The following MTMR4 variants were observed in gnomAD, a reference collection of about 807,000 sequenced individuals.
The protein encoded by MTMR4 is phosphatidylinositol-3,5-bisphosphate 3-phosphatase MTMR4.
MTMR4 carries 30 observed loss-of-function variants against 125.5 expected under a neutral mutation model. The ratio of observed to expected loss-of-function variants is 0.24; its 90% CI spans 0.18 to 0.32. The LOEUF (loss-of-function observed/expected upper bound fraction) is 0.32. Ranked by LOEUF, MTMR4 falls within the 10% of genes least tolerant of loss-of-function variation. The pLI is 1.00. For synonymous variants in MTMR4, 498 were observed against 564.5 expected (o/e 0.88, Z 1.67); for missense variants, 1,039 against 1,511.5 (o/e 0.69, Z 5.18).
upstream of MTMR4, chr17:58,514,738 C>G (rs1567939872): frequency 2.2e-6 from 2 of 916,138 alleles, no homozygotes; most frequent in Non-Finnish European, 2.6e-6. Flanking sequence ...CCTCCCTCCC[C>G]GCGGACCCTG....
Position 58,512,345 on chromosome 17 carries a change from A to C in MTMR4, c.252+45T>G. ...TTGGAACAATCCCACCTTGAACTTC[A>C]TAGGGATTCTAGCTTAGGGGTAGGA... On this transcript the variant is annotated intron_variant, in intron 3 of 17. Transcript: ENST00000682306. This position sits in a 1 kb window ranked among gnomAD's most constrained non-coding sequence, Gnocchi z 4.1. 1 of 1,486,174 alleles carries C rather than the reference A, an allele frequency of 6.7e-7. No individual in the cohort carries two copies. Among genetic ancestry groups the C allele is most frequent in the Non-Finnish European group, 9.4e-7 (1 of 1,063,856 alleles). The allele number at this position is 1,486,174 out of a possible 1,614,324, so 92.1% of individuals were successfully genotyped here.
chr17:58,492,658 T>C (rs959520187), intron 16 of MTMR4, 59 bp from the exon 17 acceptor site: 17 of 1,527,764 alleles, frequency 1.1e-5, no homozygotes, highest in Non-Finnish European at 1.5e-5. Flanking sequence ...AAGAGCAACA[T>C]TGCAATGAGG....
chr17:58,513,271 C>T (rs903937734), intron 1 of MTMR4, among the ~76,000 whole-genome samples: 2 of 152,144 alleles, frequency 1.3e-5, no homozygotes, highest in Non-Finnish European at 2.9e-5. Flanking sequence ...TCCCTTAGAC[C>T]CGCATAAGGG....
Position 58,491,492 on chromosome 17 carries a change from T to C in MTMR4, c.*171A>G, listed in dbSNP as rs1726575168. The C allele has an allele frequency of 3.1e-6, 2 of 638,860 alleles. No individual in the cohort carries two copies. Among genetic ancestry groups the C allele is most frequent in the South Asian group, 4.4e-5 (2 of 45,544 alleles). The allele number at this position is 638,860 out of a possible 1,614,324, so 39.6% of individuals were successfully genotyped here. ...AGGGTATCACCAGTAGAGGACCTCC[T>C]GCTAAATTGCAATTCCTCTGCTCCA... On this transcript the variant is annotated 3_prime_UTR_variant, in exon 18 of 18. Transcript: ENST00000682306.
intron 14 of MTMR4, among the ~76,000 whole-genome samples, chr17:58,501,345 A>G (rs1019110480): frequency 2.6e-5 from 4 of 152,152 alleles, no homozygotes; most frequent in African/African-American, 7.2e-5. Flanking sequence ...CTCTACAAAA[A>G]ATAAAAATTG....
intron 17 of MTMR4, 89 bp downstream of exon 17, chr17:58,492,422 G>A (rs1264470815): frequency 5.3e-6 from 6 of 1,139,248 alleles, no homozygotes; most frequent in Non-Finnish European, 7.8e-6. Context: ...GCCTGCCTCG[G>A]CCTCCCAAGG....
Position 58,495,987 on chromosome 17 carries a change from C to G in MTMR4, c.2197G>C (p.Asp733His). ...TCTTCTAGGACTTTGATCTCAGGAT[C>G]AGAGGTGTTGCTCTTCATTTCCCGA... ...VPREMKSNTS[D>H]PEIKVLEETK... The change falls in exon 15 of 18, where the codon GAT becomes CAT. Residue 733 changes from aspartate (D) to histidine (H), a missense_variant. Physicochemically the swap from Asp to His is moderately conservative, Grantham distance 81. Around this residue, in one of 6 missense-constraint regions of MTMR4, gnomAD observed 619 missense variants for 714.5 expected, o/e 0.87. Transcript: ENST00000682306. 6.2e-7 allele frequency: 1 copy of G among 1,614,110 alleles called. No individual in the cohort carries two copies. Among genetic ancestry groups the G allele is most frequent in the Non-Finnish European group, 8.5e-7 (1 of 1,180,032 alleles).
chr17:58,514,466 C>A lies in MTMR4; in HGVS notation c.-59G>T, dbSNP rs1046986474. Reference sequence around the variant, plus strand: ...CCGGAGCCGCTGCGCTGCCCGCCAGCCCCGGGCGCCCGCCGCATCCCGGCT... The same window carrying A: ...CCGGAGCCGCTGCGCTGCCCGCCAGACCCGGGCGCCCGCCGCATCCCGGCT... On this transcript the variant is annotated 5_prime_UTR_variant, in exon 1 of 18. Transcript: ENST00000682306. The A allele has an allele frequency of 1.3e-5, 13 of 984,906 alleles. No homozygotes were observed. Among genetic ancestry groups the A allele is most frequent in the Non-Finnish European group, 1.6e-5 (13 of 829,706 alleles). The allele number at this position is 984,906 out of a possible 1,614,324, so 61.0% of individuals were successfully genotyped here.
intron 4 of MTMR4, among the ~76,000 whole-genome samples, chr17:58,510,372 C>T (rs1318221676): frequency 1.3e-5 from 2 of 152,206 alleles, no homozygotes; most frequent in Non-Finnish European, 2.9e-5. Context: ...GGCCTTTGCA[C>T]TTGCCGTTCT....
chr17:58,495,619 C>A lies in MTMR4; in HGVS notation c.2565G>T (p.Val855=). 6.2e-7 allele frequency: 1 copy of A among 1,614,168 alleles called. No homozygotes were observed. The highest frequency in any genetic ancestry group is 8.5e-7 in the Non-Finnish European group (1 of 1,180,026). ...DFLNQDPSGS[V]ASISHQEQLS... ...GTTGTTCCTGGTGGGAGATACTTGC[C>A]ACAGACCCTGAGGGATCTTGGTTGA... Residue 855 remains valine (V), a synonymous_variant, in exon 15 of 18, where the codon GTG becomes GTT. Transcript: ENST00000682306.
At chr17:58,502,690 A>T (rs1358590291) in intron 14 of MTMR4, among the ~76,000 whole-genome samples, 3 of 152,208 alleles carry the variant, frequency 2.0e-5, no homozygotes, top group African/African-American at 7.2e-5. Flanking sequence ...CAAAAAAGTA[A>T]AAAGCGTATG....
At chr17:58,502,854 T>G (rs528977526) in intron 14 of MTMR4, among the ~76,000 whole-genome samples, 3 of 152,334 alleles carry the variant, frequency 2.0e-5, no homozygotes, top group Admixed American at 6.5e-5. Context: ...GATTTTCATT[T>G]TCTACTTTTA....
intron 3 of MTMR4, among the ~76,000 whole-genome samples, 186 bp from the exon 4 acceptor site, chr17:58,511,697 G>C (rs775318151): frequency 1.3e-5 from 2 of 152,156 alleles, no homozygotes; most frequent in African/African-American, 4.8e-5. Flanking sequence ...TCCCAATAAC[G>C]TTGCACAGCA....
In MTMR4 at chr17:58,496,283, G is replaced by A; in HGVS notation, c.1901C>T (p.Thr634Ile). The A allele has an allele frequency of 1.2e-6, 2 of 1,613,174 alleles. No homozygotes were observed. Among genetic ancestry groups the A allele is most frequent in the Non-Finnish European group, 1.7e-6 (2 of 1,179,614 alleles). Residue 634 changes from threonine to isoleucine, a missense_variant, in exon 15 of 18, where the codon ACA becomes ATA. Physicochemically the swap from Thr to Ile is moderately conservative, Grantham distance 89. Transcript: ENST00000682306. ...GGATGTACGAGTCAGGGGGCTGCTT[G>A]TGTCACAGGCAGAAAGAAGATCATC... ...SMDDLLSACDTSSPLTRTSSD... is the reference protein window; with the variant it reads ...SMDDLLSACDISSPLTRTSSD...
chr17:58,507,244 A>G lies in MTMR4; in HGVS notation c.783T>C (p.Asp261=), dbSNP rs1359172576. 3.7e-6 allele frequency: 6 copies of G among 1,614,018 alleles called. No homozygotes were observed. The highest frequency in any genetic ancestry group is 5.1e-6 in the Non-Finnish European group (6 of 1,180,020). The change falls in exon 8 of 18, where the codon GAT becomes GAC. Residue 261 remains aspartate (D), a synonymous_variant. Transcript: ENST00000682306. ...CAATGGACGTGACCAGGTACTCATC[A>G]TCAGCATTGCGCCAGCCCCACCAGC... is the stretch of plus-strand genomic sequence containing the variant. ...EISWWGWRNA[D]DEYLVTSIAK...
intron 14 of MTMR4, among the ~76,000 whole-genome samples, chr17:58,498,526 AGCGGG>A (rs1975531937): frequency 1.3e-5 from 1 of 77,016 alleles, no homozygotes; most frequent in African/African-American, 5.4e-5. Flanking sequence ...GAGAAGGAGA[AGCGGG>A]GGAGGAGGGG....
chr17:58,491,507 C>G lies in MTMR4; in HGVS notation c.*156G>C. The G allele has an allele frequency of 2.7e-6, 2 of 744,812 alleles. No individual in the cohort carries two copies. Among genetic ancestry groups the G allele is most frequent in the South Asian group, 4.2e-5 (2 of 48,184 alleles). 46.1% of individuals were successfully genotyped at this position (744,812 alleles called of 1,614,324 possible). A position where few individuals can be genotyped will look rare whatever the true frequency, so the allele number is the denominator to read the frequency against. On this transcript the variant is annotated 3_prime_UTR_variant, in exon 18 of 18. Coordinates refer to ENST00000682306, the MANE Select transcript of MTMR4 (RefSeq NM_001378067.1). ...GAGGACCTCCTGCTAAATTGCAATT[C>G]CTCTGCTCCAGTTTCATGATACCAA...
In MTMR4 at chr17:58,489,909, AT is replaced by A. The variant is rs1975274153; in HGVS notation, c.*1753del. The A allele has an allele frequency of 6.5e-6, 1 of 152,686 alleles. No homozygotes were observed. The highest frequency in any genetic ancestry group is 1.5e-5 in the Non-Finnish European group (1 of 68,044). 9.5% of individuals were successfully genotyped at this position (152,686 alleles called of 1,614,324 possible). ...AATGATTGATAAAATGCTTAAAATA[AT>A]TTTATGTATCAGAAACAAGGAACAG... is the stretch of plus-strand genomic sequence containing the variant. On this transcript the variant is annotated 3_prime_UTR_variant, in exon 18 of 18. Coordinates refer to ENST00000682306, the MANE Select transcript of MTMR4 (RefSeq NM_001378067.1).
chr17:58,508,155 C>A lies in MTMR4; in HGVS notation c.707+6G>T, dbSNP rs745452543. ...GCCTCCCTACTTCCCAGCCCCACTGCCTCACCTATACACAACCACGGGAAT... is the reference window on the plus strand; with the variant it reads ...GCCTCCCTACTTCCCAGCCCCACTGACTCACCTATACACAACCACGGGAAT... On this transcript the variant is annotated splice_donor_region_variant and intron_variant, in intron 7 of 17. Coordinates refer to ENST00000682306, the MANE Select transcript of MTMR4 (RefSeq NM_001378067.1). This position sits in a 1 kb window ranked among gnomAD's most constrained non-coding sequence, Gnocchi z 4.8. 2 of 1,610,664 alleles carry A rather than the reference C, an allele frequency of 1.2e-6. No individual in the cohort carries two copies. Among genetic ancestry groups the A allele is most frequent in the African/African-American group, 2.7e-5 (2 of 74,874 alleles).
Sources: allele counts gnomAD v4.1 joint callset (sites outside exome capture counted in the v4.1 genomes callset), GRCh38; gene constraint gnomAD v4.1.1; regional missense constraint gnomAD v4.1.1; non-coding constraint Gnocchi (gnomAD v3.1); transcripts MANE v1.5; gene names NCBI Gene and HGNC (gene_info 2026-07-23, HGNC 2026-07-21).